Variants in ELP1 observed in about 807,000 individuals in gnomAD.
ELP1 encodes elongator acetyltransferase complex subunit 1, also known as elongator complex protein 1.
ELP1 carries 131 observed loss-of-function variants against 183.2 expected under a neutral mutation model. That is an observed-to-expected ratio of 0.72 (90% CI 0.62 to 0.83). The LOEUF (loss-of-function observed/expected upper bound fraction) is 0.83, where lower values mean the gene tolerates loss of function less well. ELP1 is among the 40% of genes least tolerant of loss of function. ELP1 has a pLI of 0.00. For synonymous variants in ELP1, 555 were observed against 569.0 expected (o/e 0.98, Z 0.35); for missense variants, 1,550 against 1,594.9 (o/e 0.97, Z 0.48).
At chr9:108,895,699 T>TCTC (rs1828517746) in intron 25 of ELP1, among the ~76,000 whole-genome samples, 2 of 152,150 alleles carry the variant, frequency 1.3e-5, no homozygotes, top group Admixed American at 1.3e-4. Flanking sequence ...GATTTTCATT[T>TCTC]TTGGAGAGGT....
intron 33 of ELP1, 22 bp from the exon 34 acceptor site, chr9:108,878,772 T>G (rs1279312235): frequency 6.2e-7 from 1 of 1,612,916 alleles, no homozygotes; most frequent in Non-Finnish European, 8.5e-7. Flanking sequence ...TACACAGATA[T>G]TTTTAAGCCT....
chr9:108,891,143 CA>C lies in ELP1; in HGVS notation c.3160+59del, dbSNP rs1828314176. On this transcript the variant is annotated intron_variant, in intron 28 of 36. Transcript: ENST00000374647. ...TAAATTTATTTGCAAAATTACCAAA[CA>C]AAAGAAATAAATTTTTTAAAACCTT... is the stretch of plus-strand genomic sequence containing the variant. 1.9e-6 allele frequency: 3 copies of C among 1,540,298 alleles called. No individual in the cohort carries two copies. In the Admixed American group the frequency reaches 5.0e-5, roughly 26 times the overall value.
At chr9:108,872,586 C>T (rs1160332575) in intron 36 of ELP1, among the ~76,000 whole-genome samples, 2 of 151,798 alleles carry the variant, frequency 1.3e-5, no homozygotes, top group African/African-American at 4.8e-5. Flanking sequence ...GGGTGGATCA[C>T]GAGGTCAGGA....
At position 108,902,847 on chromosome 9, in the gene ELP1, C is replaced by T. The variant is rs371941072; in HGVS notation, c.1846G>A (p.Gly616Arg). 18 of 1,612,482 alleles carry T rather than the reference C, an allele frequency of 1.1e-5. No individual in the cohort carries two copies. Among genetic ancestry groups the T allele is most frequent in the Non-Finnish European group, 1.5e-5 (18 of 1,178,676 alleles). Residue 616 changes from glycine (G) to arginine (R), a missense_variant, in exon 16 of 37, where the codon GGA becomes AGA. Coordinates refer to ENST00000374647, the MANE Select transcript of ELP1 (RefSeq NM_003640.5). ...GCTCCGTGTTCACCTACCTCTTCTC[C>T]AATCATGGCCAATTCGGTCTGGGTG... The part of the protein sequence containing the change: ...PCTQTELAMI[G>R]EEECVLGLTD...
chr9:108,876,881 G>A lies in ELP1; in HGVS notation c.3855+1114C>T, dbSNP rs553131881. Among the ~76,000 whole-genome samples the A allele has an allele frequency of 4.6e-5, 7 of 152,172 alleles. No individual in the cohort carries two copies. In the South Asian group the frequency reaches 8.3e-4, roughly 18 times the overall value. On this transcript the variant is annotated intron_variant, in intron 35 of 36. Transcript: ENST00000374647. ...TGAGTAGCTGGGATTACAGGCATGCGCCACCATGCCCGGGTAATTTTGTAT... is the reference window on the plus strand; with the variant it reads ...TGAGTAGCTGGGATTACAGGCATGCACCACCATGCCCGGGTAATTTTGTAT...
At chr9:108,915,916 G>C (rs1033007311) in intron 10 of ELP1, among the ~76,000 whole-genome samples, 3 of 151,922 alleles carry the variant, frequency 2.0e-5, no homozygotes, top group Admixed American at 2.0e-4. Context: ...TGCAGGACTT[G>C]ACCATGTGTG....
At chr9:108,889,467 C>T in intron 28 of ELP1, 74 bp from the exon 29 acceptor site, 1 of 1,289,568 alleles carries the variant, frequency 7.8e-7, no homozygotes, top group Non-Finnish European at 1.1e-6. Context: ...TTTAATATGT[C>T]TTTATTATGT....
At chr9:108,887,764 G>A (rs778937590) in intron 29 of ELP1, among the ~76,000 whole-genome samples, 8 of 152,254 alleles carry the variant, frequency 5.3e-5, no homozygotes, top group East Asian at 3.9e-4. Context: ...AAGTTGTTAC[G>A]TAGCAATAGA....
At position 108,906,552 on chromosome 9, in the gene ELP1, A is replaced by G; in HGVS notation, c.1461-67T>C. On this transcript the variant is annotated intron_variant, in intron 13 of 36. Transcript: ENST00000374647. ...TTAAAAACCACTGAGACGTTCCTGG[A>G]TGAAGGAAGACTGAAGCATCTTGTA... 3 of 1,365,866 alleles carry G rather than the reference A, an allele frequency of 2.2e-6. No homozygotes were observed. In the South Asian group the frequency reaches 3.5e-5, roughly 16 times the overall value. 84.6% of individuals were successfully genotyped at this position (1,365,866 alleles called of 1,614,324 possible).
chr9:108,906,863 G>A (rs117209169), intron 13 of ELP1, among the ~76,000 whole-genome samples: 2,897 of 152,160 alleles, frequency 0.019, 51 homozygotes, highest in Non-Finnish European at 0.031. Context: ...CAGTAGAATG[G>A]GTCCTTTCCT....
intron 11 of ELP1, among the ~76,000 whole-genome samples, chr9:108,911,700 T>A (rs1170125897): frequency 7.7e-6 from 1 of 129,554 alleles, no homozygotes; most frequent in East Asian, 2.3e-4. Flanking sequence ...ATATCAGCAA[T>A]GAAACTATTC....
At chr9:108,912,984 TCTC>T (rs1829289827) in intron 10 of ELP1, among the ~76,000 whole-genome samples, 2 of 151,912 alleles carry the variant, frequency 1.3e-5, no homozygotes, top group East Asian at 3.9e-4. Context: ...ATGGTCTTGA[TCTC>T]CTGACCTTGT....
intron 10 of ELP1, 32 bp downstream of exon 10, chr9:108,916,172 G>T: frequency 6.6e-7 from 1 of 1,509,332 alleles, no homozygotes; most frequent in Non-Finnish European, 9.2e-7. Context: ...CGTTTTATGG[G>T]GCAGAAGGCT....
intron 36 of ELP1, among the ~76,000 whole-genome samples, chr9:108,870,685 C>G (rs998181435): frequency 1.3e-5 from 2 of 151,454 alleles, no homozygotes; most frequent in Non-Finnish European, 2.9e-5. Flanking sequence ...TTTCATTTCT[C>G]TAAGGTACCA....
intron 12 of ELP1, 120 bp from the exon 13 acceptor site, chr9:108,908,524 C>T: frequency 2.7e-6 from 2 of 744,446 alleles, no homozygotes; most frequent in Admixed American, 4.1e-5. Flanking sequence ...AAAATAATCA[C>T]ATCTCAACCT....
intron 36 of ELP1, among the ~76,000 whole-genome samples, chr9:108,871,207 C>T (rs1392549242): frequency 2.0e-5 from 3 of 152,032 alleles, no homozygotes; most frequent in African/African-American, 7.3e-5. Flanking sequence ...ATACATTTGA[C>T]AATCCTTTCT....
At chr9:108,931,351 T>C (rs1394158794) in intron 1 of ELP1, 150 bp from the exon 2 acceptor site, 2 of 575,532 alleles carry the variant, frequency 3.5e-6, no homozygotes, top group East Asian at 6.1e-5. Flanking sequence ...GTATGGATTA[T>C]AGCAGCAACC....
chr9:108,881,940 T>C (rs1827945991), intron 30 of ELP1, among the ~76,000 whole-genome samples, 175 bp from the exon 31 acceptor site: 1 of 152,206 alleles, frequency 6.6e-6, no homozygotes, highest in Non-Finnish European at 1.5e-5. Flanking sequence ...ACAGTAATAT[T>C]TCAAATTATT....
chr9:108,924,266 T>G (rs147093720), intron 5 of ELP1, among the ~76,000 whole-genome samples: 1 of 152,178 alleles, frequency 6.6e-6, no homozygotes, highest in Non-Finnish European at 1.5e-5. Context: ...AACATTAGAA[T>G]TGAGCAGCTG....
Sources: gnomAD v4.1 joint callset for allele counts (sites outside exome capture counted in the v4.1 genomes callset) on GRCh38, gnomAD v4.1.1 for gene constraint, MANE v1.5 for transcripts, NCBI Gene and HGNC (gene_info 2026-07-23, HGNC 2026-07-21) for gene names.